The following PTPRD variants were observed in gnomAD, a reference collection of about 807,000 sequenced individuals.
PTPRD encodes receptor-type tyrosine-protein phosphatase delta.
A neutral mutation model predicts 214.5 loss-of-function variants in PTPRD; 34 were observed. The ratio of observed to expected loss-of-function variants is 0.16; its 90% confidence interval spans 0.12 to 0.21. PTPRD has a LOEUF of 0.21. Among genes scored for constraint, PTPRD ranks in the 10% least tolerant of loss-of-function variants. The probability of loss-of-function intolerance (pLI) is 1.00; values close to 1 mark genes in which losing one functional copy is unlikely to be tolerated. For synonymous variants in PTPRD, 1,128 were observed against 845.7 expected (o/e 1.33, Z -5.79); for missense variants, 2,545 against 2,398.7 (o/e 1.06, Z -1.27).
At chr9:8,530,117 G>T (rs887942260) in intron 14 of PTPRD, among the ~76,000 whole-genome samples, 45 of 152,022 alleles carry the variant, frequency 3.0e-4, no homozygotes, top group African/African-American at 1.1e-3. Flanking sequence ...ACAGTTGATG[G>T]TGAATCATAC....
chr9:8,742,979 C>T (rs1379068937), intron 11 of PTPRD, among the ~76,000 whole-genome samples: 2 of 152,010 alleles, frequency 1.3e-5, no homozygotes, highest in Non-Finnish European at 2.9e-5. Context: ...GCCAAATACC[C>T]TATAACACAC....
At chr9:10,460,817 G>T (rs1436537250) in intron 2 of PTPRD, among the ~76,000 whole-genome samples, 1 of 152,062 alleles carries the variant, frequency 6.6e-6, no homozygotes, top group Admixed American at 6.6e-5. Context: ...AAAGCTCCTT[G>T]ACATTAGTCT....
At chr9:9,418,799 A>G (rs2077752050) in intron 8 of PTPRD, among the ~76,000 whole-genome samples, 1 of 151,946 alleles carries the variant, frequency 6.6e-6, no homozygotes, top group Non-Finnish European at 1.5e-5. Context: ...ATCAGTAGCA[A>G]TATCACTATA....
At chr9:10,049,369 G>T (rs1388693363) in intron 3 of PTPRD, among the ~76,000 whole-genome samples, 1 of 140,870 alleles carries the variant, frequency 7.1e-6, no homozygotes, top group Non-Finnish European at 1.5e-5. Context: ...ATACTGAACT[G>T]GATTAAAAGG....
intron 9 of PTPRD, among the ~76,000 whole-genome samples, chr9:9,242,061 A>G (rs533490000): frequency 1.2e-3 from 190 of 152,072 alleles, no homozygotes; most frequent in African/African-American, 4.3e-3. Context: ...ATCTCTCAGC[A>G]TTTGCTTGTC....
At chr9:8,381,957 C>T (rs2085238926) in intron 37 of PTPRD, among the ~76,000 whole-genome samples, 1 of 152,096 alleles carries the variant, frequency 6.6e-6, no homozygotes, top group South Asian at 2.1e-4. Context: ...ATCAGCTCTT[C>T]CCACATGAGG....
chr9:9,378,298 G>A (rs1569567825), intron 9 of PTPRD, among the ~76,000 whole-genome samples: 1 of 151,932 alleles, frequency 6.6e-6, no homozygotes, highest in Non-Finnish European at 1.5e-5. Context: ...TTTTCAGATG[G>A]CCTTTTTTTC....
intron 5 of PTPRD, among the ~76,000 whole-genome samples, chr9:9,838,214 T>C (rs1219112959): frequency 1.3e-5 from 2 of 152,222 alleles, no homozygotes; most frequent in African/African-American, 2.4e-5. Context: ...TTGTGAATAG[T>C]GCTGCAATAA....
chr9:9,990,597 A>G (rs917408117), intron 4 of PTPRD, among the ~76,000 whole-genome samples: 5 of 152,198 alleles, frequency 3.3e-5, no homozygotes, highest in African/African-American at 9.6e-5. Flanking sequence ...GCCCCTACAC[A>G]ATCAGCTGGA....
At chr9:8,654,919 A>T (rs944888398) in intron 12 of PTPRD, among the ~76,000 whole-genome samples, 1 of 152,016 alleles carries the variant, frequency 6.6e-6, no homozygotes. Context: ...TTTCTGTTAG[A>T]CTTTCCCTGT....
At chr9:9,938,103 G>A (rs889525264) in intron 5 of PTPRD, among the ~76,000 whole-genome samples, 3 of 152,066 alleles carry the variant, frequency 2.0e-5, no homozygotes, top group Non-Finnish European at 4.4e-5. Flanking sequence ...TCGGCCCTCA[G>A]GTGATTACCA....
intron 2 of PTPRD, among the ~76,000 whole-genome samples, chr9:10,377,266 T>A (rs963709118): frequency 2.0e-5 from 3 of 152,026 alleles, no homozygotes; most frequent in African/African-American, 7.2e-5. Flanking sequence ...AGCACTCCAT[T>A]ATGTATAAGT....
chr9:9,659,657 G>A (rs1255622220), intron 7 of PTPRD, among the ~76,000 whole-genome samples: 1 of 151,992 alleles, frequency 6.6e-6, no homozygotes, highest in Non-Finnish European at 1.5e-5. Context: ...AGCTTCAGCT[G>A]TCAATGAAAA....
At chr9:9,618,071 C>CA (rs34125624) in intron 7 of PTPRD, among the ~76,000 whole-genome samples, 2,237 of 23,082 alleles carry the variant, frequency 0.097, 604 homozygotes, top group Middle Eastern at 0.17. Context: ...GACTCCATCT[C>CA]AAAAAAAAAA....
chr9:9,564,445 A>G (rs2083790471), intron 8 of PTPRD, among the ~76,000 whole-genome samples: 1 of 152,210 alleles, frequency 6.6e-6, no homozygotes, highest in Admixed American at 6.5e-5. Flanking sequence ...ATTTAAATTT[A>G]TATTTTAAAA....
chr9:8,584,369 A>C (rs1010992064), intron 14 of PTPRD, among the ~76,000 whole-genome samples: 4 of 152,034 alleles, frequency 2.6e-5, no homozygotes, highest in African/African-American at 9.7e-5. Flanking sequence ...TTGGGTAGAA[A>C]AATGCACAGA....
intron 9 of PTPRD, among the ~76,000 whole-genome samples, chr9:9,216,730 A>T (rs1392349612): frequency 6.6e-6 from 1 of 152,072 alleles, no homozygotes; most frequent in Non-Finnish European, 1.5e-5. Context: ...TCTGATTTTT[A>T]TTTTAGAATG....
chr9:8,491,170 T>C (rs1185641173), intron 27 of PTPRD, among the ~76,000 whole-genome samples: 1 of 152,226 alleles, frequency 6.6e-6, no homozygotes, highest in Non-Finnish European at 1.5e-5. Flanking sequence ...CGTGTAGGCA[T>C]CTAAATTACA....
At chr9:8,561,350 C>T (rs987747558) in intron 14 of PTPRD, among the ~76,000 whole-genome samples, 2 of 152,140 alleles carry the variant, frequency 1.3e-5, no homozygotes, top group Non-Finnish European at 2.9e-5. Context: ...CCCACCCCAC[C>T]GCTGCCCCTG....
Sources: gnomAD v4.1 joint callset for allele counts (sites outside exome capture counted in the v4.1 genomes callset) on GRCh38, gnomAD v4.1.1 for gene constraint, MANE v1.5 for transcripts, NCBI Gene and HGNC (gene_info 2026-07-23, HGNC 2026-07-21) for gene names.